AKR1C3: variants seen among roughly 807,000 people sequenced by gnomAD.
AKR1C3 encodes the protein aldo-keto reductase family 1 member C3.
A neutral mutation model predicts 43.6 loss-of-function variants in AKR1C3; 48 were observed. The ratio of observed to expected loss-of-function variants is 1.10; its 90% CI spans 0.87 to 1.40. The LOEUF (loss-of-function observed/expected upper bound fraction) is 1.40, where lower values mean the gene tolerates loss of function less well. Ranked by LOEUF, AKR1C3 falls within the 40% of genes most tolerant of loss-of-function variation. The pLI is 0.00. For missense variants in AKR1C3, 482 were observed against 391.2 expected, an observed-to-expected ratio of 1.23 and a Z score of -1.96; for synonymous variants, 162 against 139.6, an observed-to-expected ratio of 1.16 and a Z score of -1.13.
intron 8 of AKR1C3, 129 bp downstream of exon 8, chr10:5,105,806 C>A: frequency 1.4e-6 from 1 of 704,480 alleles, no homozygotes. Context: ...TGGAACTCTC[C>A]TGCTGGATTC....
intron 7 of AKR1C3, among the ~76,000 whole-genome samples, chr10:5,103,051 G>T (rs977362260): frequency 6.6e-6 from 1 of 151,218 alleles, no homozygotes; most frequent in Admixed American, 6.6e-5. Context: ...CACCAAGCCC[G>T]GCTAATTTTT....
In AKR1C3 at chr10:5,107,607, C is replaced by G. The variant is rs182208793; in HGVS notation, c.*104C>G. ...TGGACATATCACCTCTACTTAAATC[C>G]GTCCTGTTTAGCGACTTCAGTCAAC... On this transcript the variant is annotated 3_prime_UTR_variant, in exon 9 of 9. Transcript: ENST00000380554. 1 of 893,418 alleles carries G rather than the reference C, an allele frequency of 1.1e-6. No homozygotes were observed. Among genetic ancestry groups the G allele is most frequent in the Admixed American group, 2.5e-5 (1 of 39,818 alleles). The allele number at this position is 893,418 out of a possible 1,614,324, so 55.3% of individuals were successfully genotyped here.
chr10:5,099,702 C>A (rs1839300639), intron 5 of AKR1C3: 1 of 538,620 alleles, frequency 1.9e-6, no homozygotes, highest in South Asian at 2.6e-5. Flanking sequence ...ATCAGGGAGG[C>A]CTGGAATCAT....
At chr10:5,079,483 G>T (rs1179449494) in intron 1 of AKR1C3, among the ~76,000 whole-genome samples, 1 of 152,058 alleles carries the variant, frequency 6.6e-6, no homozygotes, top group Admixed American at 6.6e-5. Flanking sequence ...GCATTTCTCT[G>T]AGGCACACCC....
intron 1 of AKR1C3, among the ~76,000 whole-genome samples, chr10:5,049,316 G>C (rs1838103698): frequency 6.6e-6 from 1 of 152,116 alleles, no homozygotes; most frequent in African/African-American, 2.4e-5. Flanking sequence ...AAATTTAGTG[G>C]AGATGGGGTG....
intron 1 of AKR1C3, among the ~76,000 whole-genome samples, chr10:5,083,287 C>T (rs1461212902): frequency 2.0e-5 from 3 of 151,918 alleles, no homozygotes; most frequent in African/African-American, 7.3e-5. Context: ...TCCATGTGTT[C>T]TCATTGTTCA....
intron 1 of AKR1C3, among the ~76,000 whole-genome samples, chr10:5,058,464 C>T (rs1375872148): frequency 6.6e-6 from 1 of 152,138 alleles, no homozygotes; most frequent in African/African-American, 2.4e-5. Context: ...AAATTGGTCC[C>T]AATGGCTTAG....
upstream of AKR1C3, among the ~76,000 whole-genome samples, chr10:5,092,272 CTCTTTATCTGAACTCCAGT>C (rs145536486): frequency 2.7e-3 from 414 of 152,034 alleles, 2 homozygotes; most frequent in African/African-American, 9.2e-3. Flanking sequence ...GGGCCTTGGT[CTCTTTATCTGAACTCCAGT>C]TCTTTAAGTT....
upstream of AKR1C3, among the ~76,000 whole-genome samples, chr10:5,093,078 T>G (rs1554784558): frequency 6.6e-6 from 1 of 152,044 alleles, no homozygotes; most frequent in African/African-American, 2.4e-5. Context: ...CCCAAATACC[T>G]ACTGGCTTTT....
In AKR1C3 at chr10:5,066,561, G is replaced by A. The variant is rs146867049; in HGVS notation, c.84+17666G>A. 2.4e-3 allele frequency among the ~76,000 whole-genome samples: 366 copies of A among 152,176 alleles called. 2 individuals carry two copies. Among genetic ancestry groups the A allele is most frequent in the African/African-American group, 8.4e-3 (350 of 41,500 alleles). On this transcript the variant is annotated intron_variant, in intron 1 of 8. Transcript: ENST00000439082. ...TTTAAAACCTTTGAGAGAATATAGC[G>A]CAGCAACGAGACTATTATTATGACT...
chr10:5,099,471 T>G, intron 5 of AKR1C3, 22 bp downstream of exon 5: 3 of 1,614,072 alleles, frequency 1.9e-6, no homozygotes, highest in Non-Finnish European at 2.5e-6. Flanking sequence ...TGGCCTTCTC[T>G]CCTTTCGGTT....
intron 1 of AKR1C3, among the ~76,000 whole-genome samples, chr10:5,057,576 G>A (rs1303620311): frequency 6.6e-6 from 1 of 152,170 alleles, no homozygotes; most frequent in Non-Finnish European, 1.5e-5. Flanking sequence ...GAAGGCAGAA[G>A]GATTTTCTTC....
At chr10:5,058,157 T>C (rs550480562) in intron 1 of AKR1C3, among the ~76,000 whole-genome samples, 11 of 152,228 alleles carry the variant, frequency 7.2e-5, no homozygotes, top group South Asian at 4.1e-4. Flanking sequence ...TTATCATTAA[T>C]AGGAAGGGGA....
chr10:5,050,121 A>G (rs1279583085), intron 1 of AKR1C3, among the ~76,000 whole-genome samples: 1 of 152,248 alleles, frequency 6.6e-6, no homozygotes, highest in African/African-American at 2.4e-5. Flanking sequence ...CTTGTGGTCC[A>G]GGTGCCAATT....
intron 7 of AKR1C3, chr10:5,105,307 GACCCTATCATGTGGGCACAATGT>G: frequency 1.4e-5 from 1 of 72,396 alleles, no homozygotes; most frequent in East Asian, 2.9e-4. Context: ...GGCACAATGT[GACCCTATCATGTGGGCACAATGT>G]CAGCGCTGTT....
At chr10:5,063,781 A>AAAAAAAAAG in intron 1 of AKR1C3, among the ~76,000 whole-genome samples, 2 of 147,086 alleles carry the variant, frequency 1.4e-5, no homozygotes, top group Non-Finnish European at 3.0e-5. Context: ...AAAAAAAAAA[A>AAAAAAAAAG]AAAAAAAAGG....
chr10:5,076,726 A>AG (rs1230211365), intron 1 of AKR1C3, among the ~76,000 whole-genome samples: 1 of 152,080 alleles, frequency 6.6e-6, no homozygotes, highest in Non-Finnish European at 1.5e-5. Context: ...TTTAGGCTCT[A>AG]TAAGACATAT....
At chr10:5,065,744 C>T (rs573278372) in intron 1 of AKR1C3, among the ~76,000 whole-genome samples, 5 of 152,306 alleles carry the variant, frequency 3.3e-5, no homozygotes, top group Non-Finnish European at 7.3e-5. Context: ...ACTTAGTGTA[C>T]ACCCTATGGA....
chr10:5,102,482 C>T lies in AKR1C3; in HGVS notation c.681-3C>T, dbSNP rs139129999. ...GCCTCAGCCTTTCTGCCTTTCCTTCCAGGGTGGACCCGAACTCCCCGGTGC... is the reference window on the plus strand; with the variant it reads ...GCCTCAGCCTTTCTGCCTTTCCTTCTAGGGTGGACCCGAACTCCCCGGTGC... On this transcript the variant is annotated splice_region_variant and splice_polypyrimidine_tract_variant and intron_variant, in intron 6 of 8. Transcript: ENST00000380554. 2.0e-6 allele frequency: 3 copies of T among 1,534,894 alleles called. No homozygotes were observed. The highest frequency in any genetic ancestry group is 4.5e-5 in the East Asian group (2 of 44,396).
Sources: allele counts gnomAD v4.1 joint callset (sites outside exome capture counted in the v4.1 genomes callset), GRCh38; gene constraint gnomAD v4.1.1; transcripts MANE v1.5; gene names NCBI Gene and HGNC (gene_info 2026-07-23, HGNC 2026-07-21).